Variants in ARHGAP17 observed in about 807,000 individuals in gnomAD.
The protein encoded by ARHGAP17 is rho GTPase-activating protein 17.
A neutral mutation model predicts 99.5 loss-of-function variants in ARHGAP17; 57 were observed. That is an observed-to-expected ratio of 0.57 (90% CI 0.46 to 0.71). ARHGAP17 has a LOEUF of 0.71. Ranked by LOEUF, ARHGAP17 falls within the 30% of genes least tolerant of loss-of-function variation. The pLI, the probability that ARHGAP17 is intolerant of heterozygous loss-of-function variation, is 0.00. For missense variants in ARHGAP17, 1,000 were observed against 1,122.4 expected, an observed-to-expected ratio of 0.89 and a Z score of 1.56; for synonymous variants, 417 against 429.6, an observed-to-expected ratio of 0.97 and a Z score of 0.36.
intron 1 of ARHGAP17, among the ~76,000 whole-genome samples, chr16:24,995,925 G>A (rs1391190519): frequency 1.3e-5 from 2 of 152,042 alleles, no homozygotes; most frequent in Non-Finnish European, 2.9e-5. Context: ...CAAGGGCTTT[G>A]CTATGTGGTC....
intron 1 of ARHGAP17, among the ~76,000 whole-genome samples, chr16:24,991,879 A>G (rs1467197017): frequency 6.6e-6 from 1 of 152,222 alleles, no homozygotes; most frequent in Non-Finnish European, 1.5e-5. Flanking sequence ...TGAGAAAGAA[A>G]AAAGGAGACA....
intron 1 of ARHGAP17, among the ~76,000 whole-genome samples, chr16:24,988,180 T>C (rs1311329477): frequency 6.6e-6 from 1 of 152,236 alleles, no homozygotes; most frequent in Non-Finnish European, 1.5e-5. Flanking sequence ...AGATTAGCTG[T>C]CGTCTTAGAT....
intron 17 of ARHGAP17, among the ~76,000 whole-genome samples, chr16:24,938,773 GAAAAAAA>G (rs111587139): frequency 2.1e-3 from 170 of 81,232 alleles, no homozygotes; most frequent in South Asian, 4.0e-3. Context: ...CGCAGTCTCA[GAAAAAAA>G]AAAAAAAAAA....
chr16:24,956,630 C>A (rs745859488), intron 9 of ARHGAP17: 1 of 152,170 alleles, frequency 6.6e-6, no homozygotes, highest in Non-Finnish European at 1.5e-5. Flanking sequence ...TGGGAGTGCA[C>A]GATCTGCCGA....
chr16:25,007,963 C>T (rs2053550928), intron 1 of ARHGAP17, among the ~76,000 whole-genome samples: 1 of 152,262 alleles, frequency 6.6e-6, no homozygotes, highest in East Asian at 1.9e-4. Context: ...CTGCAGTCCC[C>T]ACATTCCCTA....
rs1355418595 is a variant in ARHGAP17 at position 24,931,217 on chromosome 16, C to G, written c.2082G>C (p.Gln694His). The G allele has an allele frequency of 4.1e-6, 6 of 1,447,886 alleles. No homozygotes were observed. Among genetic ancestry groups the G allele is most frequent in the Non-Finnish European group, 5.5e-6 (6 of 1,084,914 alleles). The allele number at this position is 1,447,886 out of a possible 1,614,324, so 89.7% of individuals were successfully genotyped here. ...QPPGQPSAPSQLSAPRRYSSS... is the reference protein window; with the variant it reads ...QPPGQPSAPSHLSAPRRYSSS... Reference sequence around the variant, plus strand: ...TGGAGTACCTCCGGGGTGCTGAGAGCTGGGAGGGGGCGGAGGGCTGGCCTG... The same window carrying G: ...TGGAGTACCTCCGGGGTGCTGAGAGGTGGGAGGGGGCGGAGGGCTGGCCTG... The change falls in exon 19 of 20, where the codon CAG (glutamine) becomes CAC (histidine). Residue 694 changes from glutamine to histidine, a missense_variant. Coordinates refer to ENST00000289968, the MANE Select transcript of ARHGAP17 (RefSeq NM_001006634.3).
chr16:24,952,111 C>T (rs2051662410), intron 12 of ARHGAP17, among the ~76,000 whole-genome samples, 178 bp downstream of exon 12: 2 of 151,978 alleles, frequency 1.3e-5, no homozygotes, highest in Non-Finnish European at 2.9e-5. Flanking sequence ...CTTTCCTACA[C>T]TAATAATTAT....
intron 3 of ARHGAP17, among the ~76,000 whole-genome samples, chr16:24,976,562 A>AGGAAAGG (rs1336095832): frequency 3.9e-5 from 6 of 151,998 alleles, no homozygotes; most frequent in East Asian, 3.9e-4. Flanking sequence ...GAGAAGGGAA[A>AGGAAAGG]GGAAAGGGGA....
chr16:24,979,123 G>T, intron 1 of ARHGAP17, 118 bp from the exon 2 acceptor site: 1 of 704,504 alleles, frequency 1.4e-6, no homozygotes, highest in Non-Finnish European at 2.3e-6. Flanking sequence ...ATTTAGAAGG[G>T]TTGGCAGGGG....
At chr16:24,960,084 C>A in intron 7 of ARHGAP17, 105 bp from the exon 8 acceptor site, 2 of 1,078,596 alleles carry the variant, frequency 1.9e-6, no homozygotes, top group Non-Finnish European at 1.4e-6. Context: ...TGATGGAAAG[C>A]ACCACAGATT....
In ARHGAP17 at chr16:24,939,572, G is replaced by C; in HGVS notation, c.1516C>G (p.Gln506Glu). The change falls in exon 17 of 20, where the codon CAG becomes GAG. Residue 506 changes from glutamine (Q) to glutamate (E), a missense_variant. By Grantham distance (29) the Gln-to-Glu change is conservative. Around this residue, in one of 2 missense-constraint regions of ARHGAP17, gnomAD observed 528 missense variants for 511.4 expected, o/e 1.03. Transcript: ENST00000289968. ...ESFGVKLMDF[Q>E]AHRRGGTLNR... The stretch of plus-strand genomic sequence containing the variant: ...AGAGTGCCACCCCGCCGGTGGGCCT[G>C]GAAGTCCATAAGCTTCACACCAAAG... The C allele has an allele frequency of 4.4e-6, 7 of 1,607,254 alleles. No individual in the cohort carries two copies. Among genetic ancestry groups the C allele is most frequent in the Non-Finnish European group, 5.9e-6 (7 of 1,177,566 alleles).
At chr16:25,012,669 A>G (rs2053672829) in intron 1 of ARHGAP17, among the ~76,000 whole-genome samples, 1 of 152,238 alleles carries the variant, frequency 6.6e-6, no homozygotes, top group African/African-American at 2.4e-5. Flanking sequence ...TTAAGCAGAA[A>G]ACACATACAC....
chr16:24,926,109 G>GAAAAAAAA (rs1175708408), intron 19 of ARHGAP17, among the ~76,000 whole-genome samples: 1 of 107,110 alleles, frequency 9.3e-6, no homozygotes, highest in Admixed American at 1.0e-4. Context: ...GACTCCGTCT[G>GAAAAAAAA]AAAAAAAAAA....
intron 1 of ARHGAP17, among the ~76,000 whole-genome samples, chr16:25,000,177 T>C (rs753825842): frequency 4.5e-4 from 69 of 152,186 alleles, no homozygotes; most frequent in African/African-American, 1.7e-3. Context: ...TAAGCCCTTA[T>C]CTAAAAGTTT....
chr16:24,936,301 T>C (rs2051137370), intron 17 of ARHGAP17: 2 of 155,780 alleles, frequency 1.3e-5, no homozygotes, highest in South Asian at 1.9e-4. Context: ...TCCTGTTTCC[T>C]GGCCCAGAAC....
At chr16:24,945,509 C>T (rs2051444441) in intron 14 of ARHGAP17, among the ~76,000 whole-genome samples, 1 of 152,154 alleles carries the variant, frequency 6.6e-6, no homozygotes, top group African/African-American at 2.4e-5. Context: ...ATTTTTACAA[C>T]AACCCGTTAT....
chr16:24,977,317 A>T lies in ARHGAP17; in HGVS notation c.96T>A (p.Ile32=). The T allele has an allele frequency of 1.3e-6, 2 of 1,580,978 alleles. No homozygotes were observed. The highest frequency in any genetic ancestry group is 4.6e-5 in the East Asian group (2 of 43,916). The change falls in exon 3 of 20, where the codon ATT becomes ATA. Residue 32 remains isoleucine (I), a splice_region_variant and synonymous_variant. Transcript: ENST00000289968. ...ACCGCACCGTGTCCAGGCGTCTCTC[A>T]ATCTGACAAGGCAGAGACAAAAGAG... is the stretch of plus-strand genomic sequence containing the variant. ...TEVLSEDLLQ[I]ERRLDTVRSI... is the part of the protein sequence containing the mutation.
At chr16:25,003,278 A>T (rs1597487979) in intron 1 of ARHGAP17, among the ~76,000 whole-genome samples, 2 of 115,684 alleles carry the variant, frequency 1.7e-5, no homozygotes, top group Non-Finnish European at 3.4e-5. Flanking sequence ...TCTGTTGCCC[A>T]GGCTGGATTG....
chr16:25,001,708 C>T (rs987401661), intron 1 of ARHGAP17, among the ~76,000 whole-genome samples: 1 of 152,108 alleles, frequency 6.6e-6, no homozygotes, highest in African/African-American at 2.4e-5. Context: ...GCGTGAGCCA[C>T]AAACCCAGCC....
Sources: allele counts gnomAD v4.1 joint callset (sites outside exome capture counted in the v4.1 genomes callset), GRCh38; gene constraint gnomAD v4.1.1; regional missense constraint gnomAD v4.1.1; transcripts MANE v1.5; gene names NCBI Gene and HGNC (gene_info 2026-07-23, HGNC 2026-07-21).